Variants in WDR7 observed in about 807,000 individuals in gnomAD.
WDR7 encodes the protein WD repeat domain 7.
Under a neutral mutation model 169.4 loss-of-function variants are expected in WDR7, and 46 were observed. That is an observed-to-expected ratio of 0.27 (90% CI 0.21 to 0.35). WDR7 has a LOEUF of 0.35. WDR7 is among the 10% of genes least tolerant of loss of function. The pLI is 1.00. For synonymous variants in WDR7, 612 were observed against 666.8 expected (o/e 0.92, Z 1.27); for missense variants, 1,534 against 1,859.3 (o/e 0.83, Z 3.22).
At chr18:56,817,484 A>G (rs1338201363) in intron 20 of WDR7, among the ~76,000 whole-genome samples, 2 of 152,170 alleles carry the variant, frequency 1.3e-5, no homozygotes, top group African/African-American at 4.8e-5. Flanking sequence ...TACAAAGTGT[A>G]TATTTAAAAT....
intron 21 of WDR7, among the ~76,000 whole-genome samples, chr18:56,913,485 T>A (rs1233476665): frequency 6.6e-6 from 1 of 152,006 alleles, no homozygotes; most frequent in Admixed American, 6.6e-5. Flanking sequence ...TAAAAAAAAA[T>A]GTTTTTAATC....
intron 16 of WDR7, among the ~76,000 whole-genome samples, chr18:56,764,225 T>C (rs1010846454): frequency 6.6e-6 from 1 of 152,186 alleles, no homozygotes; most frequent in Non-Finnish European, 1.5e-5. Context: ...CTTTGCCATA[T>C]TGTACTTTTA....
rs944229874 is a variant in WDR7 at position 56,671,866 on chromosome 18, C to A, written c.-19-631C>A. Among the ~76,000 whole-genome samples the A allele has an allele frequency of 1.3e-5, 2 of 152,308 alleles. 1 individual carries two copies. Among genetic ancestry groups the A allele is most frequent in the South Asian group, 4.1e-4 (2 of 4,828 alleles). ...GTACTTACATTTATACACACACATA[C>A]AATGTTCAGAAGAATTTCTGGGACT... On this transcript the variant is annotated intron_variant, in intron 1 of 27. Coordinates refer to ENST00000254442, the MANE Select transcript of WDR7 (RefSeq NM_015285.3).
Position 56,736,783 on chromosome 18 carries a change from T to C in WDR7, c.1989+5186T>C, listed in dbSNP as rs141594785. 2.6e-5 allele frequency among the ~76,000 whole-genome samples: 4 copies of C among 152,018 alleles called. No homozygotes were observed. The East Asian group carries it at 5.8e-4, about 22-fold the overall frequency. On this transcript the variant is annotated intron_variant, in intron 14 of 27. Transcript: ENST00000254442. ...TAAAGAGTGTGGAAGAAATTAGCTT[T>C]TGATGGAAAAAGAGGAGGGTAGTAG...
At chr18:56,704,952 A>G (rs954509071) in intron 12 of WDR7, among the ~76,000 whole-genome samples, 1 of 152,166 alleles carries the variant, frequency 6.6e-6, no homozygotes, top group African/African-American at 2.4e-5. Flanking sequence ...CTTGAGTAAC[A>G]CAATCATAGG....
chr18:56,853,676 C>G (rs988502148), intron 20 of WDR7, among the ~76,000 whole-genome samples: 8 of 152,102 alleles, frequency 5.3e-5, no homozygotes, highest in African/African-American at 1.9e-4. Flanking sequence ...GGTAACCACT[C>G]TTTTGAATTT....
chr18:56,784,510 T>C (rs2044365146), intron 19 of WDR7, among the ~76,000 whole-genome samples: 1 of 152,216 alleles, frequency 6.6e-6, no homozygotes, highest in Non-Finnish European at 1.5e-5. Context: ...AGCTCCCACT[T>C]ATAAGTGAGA....
intron 19 of WDR7, among the ~76,000 whole-genome samples, chr18:56,790,584 G>C (rs2044468718): frequency 6.6e-6 from 1 of 151,942 alleles, no homozygotes; most frequent in South Asian, 2.1e-4. Flanking sequence ...TAAATTCTGG[G>C]ATTAAAATGA....
intron 20 of WDR7, among the ~76,000 whole-genome samples, chr18:56,878,728 C>G (rs2046063667): frequency 6.6e-6 from 1 of 152,028 alleles, no homozygotes; most frequent in Non-Finnish European, 1.5e-5. Flanking sequence ...ACCATTTTAC[C>G]CCCACTCCAG....
At chr18:57,016,406 A>G (rs940147411) in intron 26 of WDR7, among the ~76,000 whole-genome samples, 4 of 152,168 alleles carry the variant, frequency 2.6e-5, no homozygotes, top group African/African-American at 9.7e-5. Flanking sequence ...TGTTAAGAAA[A>G]TGGTTTAGAT....
intron 21 of WDR7, among the ~76,000 whole-genome samples, chr18:56,907,107 T>C (rs1023747703): frequency 1.3e-5 from 2 of 152,222 alleles, no homozygotes; most frequent in Non-Finnish European, 2.9e-5. Context: ...TTTTTAATGG[T>C]ATAAAGATGT....
chr18:56,916,846 G>A (rs989208874), intron 21 of WDR7, among the ~76,000 whole-genome samples: 9 of 152,260 alleles, frequency 5.9e-5, no homozygotes, highest in South Asian at 2.1e-4. Flanking sequence ...GGTAGATCAT[G>A]AGGTCAGGAG....
intron 15 of WDR7, 110 bp from the exon 16 acceptor site, chr18:56,758,755 T>C: frequency 1.3e-6 from 1 of 744,616 alleles, no homozygotes; most frequent in Non-Finnish European, 2.0e-6. Context: ...AAATGTTCTA[T>C]ATATGTTTCT....
intron 12 of WDR7, among the ~76,000 whole-genome samples, chr18:56,698,978 C>A (rs1382909814): frequency 6.6e-6 from 1 of 151,958 alleles, no homozygotes; most frequent in Non-Finnish European, 1.5e-5. Flanking sequence ...CCCCATGACA[C>A]AAATTTACCT....
chr18:56,738,113 CT>C (rs1313893440), intron 14 of WDR7, among the ~76,000 whole-genome samples: 1 of 152,128 alleles, frequency 6.6e-6, no homozygotes, highest in Non-Finnish European at 1.5e-5. Flanking sequence ...GAGTAAATGC[CT>C]GTGACTGTAA....
intron 12 of WDR7, among the ~76,000 whole-genome samples, chr18:56,712,392 A>T (rs2026105667): frequency 6.6e-6 from 1 of 152,192 alleles, no homozygotes; most frequent in Non-Finnish European, 1.5e-5. Context: ...ACTACTGAGG[A>T]TTATTTACTG....
chr18:56,695,582 G>A (rs1012900463), intron 11 of WDR7, among the ~76,000 whole-genome samples: 1 of 148,134 alleles, frequency 6.8e-6, no homozygotes, highest in Non-Finnish European at 1.5e-5. Flanking sequence ...GTGTTGCTCA[G>A]ACTAGAGTGC....
Position 56,689,141 on chromosome 18 carries a change from A to G in WDR7, c.718-2075A>G, listed in dbSNP as rs183339869. On this transcript the variant is annotated intron_variant, in intron 7 of 27. Transcript: ENST00000254442. ...ATTAAGACAATACTGAGATAGTACT[A>G]CAACCCACCAGAATGGCTTTTTAAG... Among the ~76,000 whole-genome samples, 291 of 152,350 alleles carry G rather than the reference A, an allele frequency of 1.9e-3. 4 individuals carry two copies. Among genetic ancestry groups the G allele is most frequent in the Admixed American group, 0.017 (265 of 15,294 alleles).
chr18:56,840,399 A>G (rs2045464871), intron 20 of WDR7, among the ~76,000 whole-genome samples: 1 of 152,252 alleles, frequency 6.6e-6, no homozygotes, highest in East Asian at 1.9e-4. Context: ...AAAAAGGAAG[A>G]TAAATATTAA....
Sources: gnomAD v4.1 joint callset for allele counts (sites outside exome capture counted in the v4.1 genomes callset) on GRCh38, gnomAD v4.1.1 for gene constraint, MANE v1.5 for transcripts, NCBI Gene and HGNC (gene_info 2026-07-23, HGNC 2026-07-21) for gene names.